Variants in CSMD3 observed in about 807,000 individuals in gnomAD.
CSMD3 encodes the protein CUB and Sushi multiple domains 3.
A neutral mutation model predicts 435.2 loss-of-function variants in CSMD3; 177 were observed. The ratio of observed to expected loss-of-function variants is 0.41; its 90% CI spans 0.36 to 0.46. The LOEUF is 0.46. CSMD3 is among the 20% of genes least tolerant of loss of function. The pLI is 0.34. For missense variants in CSMD3, 4,265 were observed against 4,504.6 expected (o/e 0.95, Z 1.52); for synonymous variants, 1,656 against 1,520.5 (o/e 1.09, Z -2.07).
chr8:112,230,963 T>A (rs912753216), intron 69 of CSMD3, among the ~76,000 whole-genome samples: 1 of 152,230 alleles, frequency 6.6e-6, no homozygotes, highest in African/African-American at 2.4e-5. Flanking sequence ...GCTATGTGTA[T>A]AAACACATTC....
intron 1 of CSMD3, among the ~76,000 whole-genome samples, chr8:113,326,923 C>T (rs979388717): frequency 3.3e-5 from 5 of 151,846 alleles, no homozygotes; most frequent in South Asian, 2.1e-4. Flanking sequence ...ATGGCATTAA[C>T]GGTAGAAATA....
chr8:113,153,163 G>GAAGGAAGGAAGT (rs2091862992), intron 4 of CSMD3, among the ~76,000 whole-genome samples: 1 of 141,808 alleles, frequency 7.1e-6, no homozygotes, highest in African/African-American at 2.7e-5. Flanking sequence ...AGGAAGGAAG[G>GAAGGAAGGAAGT]AAGGAAGGAA....
intron 1 of CSMD3, among the ~76,000 whole-genome samples, chr8:113,388,208 G>A (rs1049788910): frequency 3.3e-5 from 5 of 151,582 alleles, no homozygotes; most frequent in African/African-American, 1.2e-4. Flanking sequence ...TGTATTTCAT[G>A]TGCAGGATTA....
chr8:113,044,645 G>C (rs564907617), intron 5 of CSMD3, among the ~76,000 whole-genome samples: 2 of 149,166 alleles, frequency 1.3e-5, no homozygotes, highest in African/African-American at 4.8e-5. Flanking sequence ...ATTAGTACTA[G>C]TTTTTTGGAA....
chr8:113,402,014 CT>C (rs2094512330), intron 1 of CSMD3, among the ~76,000 whole-genome samples: 2 of 151,452 alleles, frequency 1.3e-5, no homozygotes, highest in Admixed American at 6.6e-5. Context: ...GTGTCCCCAT[CT>C]TTAAATGGTG....
chr8:112,587,642 T>G (rs1830843127), intron 22 of CSMD3, among the ~76,000 whole-genome samples: 2 of 151,902 alleles, frequency 1.3e-5, no homozygotes, highest in African/African-American at 4.8e-5. Context: ...TTAAAACATT[T>G]TTACCTTTTT....
At chr8:113,376,803 G>A in intron 1 of CSMD3, 1 of 1,613,880 alleles carries the variant, frequency 6.2e-7, no homozygotes, top group Non-Finnish European at 8.5e-7. Flanking sequence ...CATTCAACCG[G>A]GTTGTGCTGA....
intron 4 of CSMD3, among the ~76,000 whole-genome samples, chr8:113,171,008 A>G (rs1588198788): frequency 1.4e-5 from 2 of 144,514 alleles, no homozygotes; most frequent in African/African-American, 4.9e-5. Context: ...TGGCAATAGA[A>G]AAAAAAAAAA....
At chr8:113,089,384 A>G (rs979942681) in intron 5 of CSMD3, among the ~76,000 whole-genome samples, 2 of 149,860 alleles carry the variant, frequency 1.3e-5, no homozygotes, top group Non-Finnish European at 3.0e-5. Flanking sequence ...ATTTTTTTCT[A>G]TTTTCCACAA....
chr8:112,328,035 C>G (rs1204556736), intron 45 of CSMD3, among the ~76,000 whole-genome samples: 1 of 152,118 alleles, frequency 6.6e-6, no homozygotes, highest in Non-Finnish European at 1.5e-5. Flanking sequence ...CCAAAAAAAG[C>G]ACAAGCACAT....
intron 64 of CSMD3, among the ~76,000 whole-genome samples, chr8:112,245,772 A>T (rs1814668533): frequency 6.6e-6 from 1 of 152,138 alleles, no homozygotes; most frequent in South Asian, 2.1e-4. Context: ...TCCTGACCTC[A>T]AGTGATCTGC....
intron 5 of CSMD3, among the ~76,000 whole-genome samples, chr8:113,039,636 A>G (rs1374908202): frequency 2.0e-5 from 3 of 152,208 alleles, no homozygotes; most frequent in African/African-American, 7.2e-5. Context: ...ATAAAAGCAC[A>G]TAAGTGGCAC....
At chr8:112,397,011 C>T (rs148018384) in intron 35 of CSMD3, among the ~76,000 whole-genome samples, 1 of 152,074 alleles carries the variant, frequency 6.6e-6, no homozygotes. Flanking sequence ...AAAAGGAGCA[C>T]AAATTAAAGA....
At chr8:113,383,726 G>C (rs763799947) in intron 1 of CSMD3, among the ~76,000 whole-genome samples, 1 of 152,158 alleles carries the variant, frequency 6.6e-6, no homozygotes, top group Non-Finnish European at 1.5e-5. Context: ...AGTTCAGCAA[G>C]CTTCTCGAAA....
chr8:112,905,738 A>G (rs2082244216), intron 10 of CSMD3, among the ~76,000 whole-genome samples: 1 of 151,442 alleles, frequency 6.6e-6, no homozygotes, highest in Non-Finnish European at 1.5e-5. Flanking sequence ...AGTGGCACCA[A>G]TGCTTATATT....
At chr8:113,364,978 C>G (rs2094302069) in intron 1 of CSMD3, among the ~76,000 whole-genome samples, 1 of 152,028 alleles carries the variant, frequency 6.6e-6, no homozygotes, top group South Asian at 2.1e-4. Flanking sequence ...CCAGATTGAT[C>G]AAACAAACCG....
intron 10 of CSMD3, among the ~76,000 whole-genome samples, chr8:112,895,053 T>C (rs901934038): frequency 2.0e-5 from 3 of 151,400 alleles, no homozygotes; most frequent in Non-Finnish European, 4.4e-5. Flanking sequence ...ATTCCTCTTA[T>C]TTGTCCCTTC....
intron 4 of CSMD3, among the ~76,000 whole-genome samples, chr8:113,114,540 C>A (rs1564331339): frequency 6.6e-6 from 1 of 151,990 alleles, no homozygotes. Flanking sequence ...GCAGAAAGAC[C>A]CTGACCTAGG....
intron 1 of CSMD3, among the ~76,000 whole-genome samples, chr8:113,402,662 G>A (rs2094515471): frequency 6.6e-6 from 1 of 151,108 alleles, no homozygotes; most frequent in Non-Finnish European, 1.5e-5. Flanking sequence ...TTATAGGGGA[G>A]CTTAAAGGAA....
Sources: allele counts gnomAD v4.1 joint callset (sites outside exome capture counted in the v4.1 genomes callset), GRCh38; gene constraint gnomAD v4.1.1; transcripts MANE v1.5; gene names NCBI Gene and HGNC (gene_info 2026-07-23, HGNC 2026-07-21).